CDH18: variants seen among roughly 807,000 people sequenced by gnomAD.
CDH18 encodes the protein cadherin 18, also known as cadherin-18.
A neutral mutation model predicts 67.9 loss-of-function variants in CDH18; 31 were observed. That is an observed-to-expected ratio of 0.46 (90% CI 0.34 to 0.62). The LOEUF (loss-of-function observed/expected upper bound fraction) is 0.62, where lower values mean the gene tolerates loss of function less well. Among genes scored for constraint, CDH18 ranks in the 20% least tolerant of loss-of-function variants. The pLI is 0.01. For synonymous variants in CDH18, 362 were observed against 347.2 expected, an observed-to-expected ratio of 1.04 and a Z score of -0.48; for missense variants, 890 against 975.5, an observed-to-expected ratio of 0.91 and a Z score of 1.17.
At chr5:19,702,047 A>G (rs1763317897) in intron 5 of CDH18, among the ~76,000 whole-genome samples, 1 of 151,970 alleles carries the variant, frequency 6.6e-6, no homozygotes, top group Non-Finnish European at 1.5e-5. Flanking sequence ...TTTAAGGATT[A>G]CAAATACCCC....
At chr5:20,050,870 CT>C (rs1174958257) in intron 2 of CDH18, among the ~76,000 whole-genome samples, 1 of 151,706 alleles carries the variant, frequency 6.6e-6, no homozygotes, top group African/African-American at 2.4e-5. Flanking sequence ...TCAAGTCTTT[CT>C]TTTTCTTTTT....
chr5:19,565,092 A>T (rs114214446), intron 8 of CDH18, among the ~76,000 whole-genome samples: 2,283 of 152,096 alleles, frequency 0.015, 47 homozygotes, highest in African/African-American at 0.051. Flanking sequence ...GCATTTCTAG[A>T]CCTGCCCTGG....
chr5:19,808,326 A>G lies in CDH18; in HGVS notation c.228+30433T>C, dbSNP rs111244596. On this transcript the variant is annotated intron_variant, in intron 3 of 12. Transcript: ENST00000382275. ...AAACAAAACAACAACAACAAAAAAA[A>G]AACAAAAATAAAACTGAATGTATTT... 8.5e-4 allele frequency among the ~76,000 whole-genome samples: 128 copies of G among 149,782 alleles called. 1 individual carries two copies. The highest frequency in any genetic ancestry group is 3.0e-3 in the African/African-American group (124 of 41,264).
intron 2 of CDH18, among the ~76,000 whole-genome samples, chr5:20,029,135 C>A (rs1447131432): frequency 6.6e-6 from 1 of 152,146 alleles, no homozygotes; most frequent in African/African-American, 2.4e-5. Context: ...AAATCCCAAA[C>A]TTCTTATCCA....
At chr5:19,945,184 G>C (rs1423331382) in intron 2 of CDH18, among the ~76,000 whole-genome samples, 2 of 152,078 alleles carry the variant, frequency 1.3e-5, no homozygotes, top group African/African-American at 2.4e-5. Flanking sequence ...GAATTAGCAA[G>C]CCCAGCAGCT....
At chr5:20,339,644 T>A (rs1393901276) in intron 1 of CDH18, among the ~76,000 whole-genome samples, 1 of 152,138 alleles carries the variant, frequency 6.6e-6, no homozygotes, top group Non-Finnish European at 1.5e-5. Context: ...ACCCTCTTTT[T>A]AGGTGGCCCC....
chr5:19,883,319 T>C (rs1446937587), intron 2 of CDH18, among the ~76,000 whole-genome samples: 4 of 152,196 alleles, frequency 2.6e-5, no homozygotes. Flanking sequence ...TGTTACACTC[T>C]GTGATACCGT....
intron 1 of CDH18, among the ~76,000 whole-genome samples, chr5:20,498,392 C>T (rs1561065736): frequency 6.6e-6 from 1 of 151,648 alleles, no homozygotes; most frequent in Non-Finnish European, 1.5e-5. Context: ...ACATCCATTG[C>T]TATTCATCTC....
Position 19,842,735 on chromosome 5 carries a change from T to C in CDH18, c.-256-3493A>G, listed in dbSNP as rs565701904. On this transcript the variant is annotated intron_variant, in intron 2 of 12. Transcript: ENST00000382275. The stretch of plus-strand genomic sequence containing the variant: ...ACAGTTTGGAGGGCTCAGAAGAAAA[T>C]AGGAAGATGTGGGAAAATTTGGAAC... Among the ~76,000 whole-genome samples the C allele has an allele frequency of 9.2e-5, 14 of 152,146 alleles. 1 individual carries two copies. The South Asian group carries it at 2.7e-3, about 29-fold the overall frequency.
intron 1 of CDH18, among the ~76,000 whole-genome samples, chr5:20,353,253 C>T (rs2150060501): frequency 6.6e-6 from 1 of 152,220 alleles, no homozygotes; most frequent in Middle Eastern, 3.4e-3. Flanking sequence ...CCTGTAAGTG[C>T]CCAAGTGTGT....
intron 5 of CDH18, among the ~76,000 whole-genome samples, chr5:19,664,784 G>A (rs1209200977): frequency 3.3e-5 from 5 of 151,836 alleles, no homozygotes; most frequent in African/African-American, 7.3e-5. Context: ...ATACACTTAC[G>A]GGGTTGGTAT....
At chr5:20,486,171 C>T (rs1466153814) in intron 1 of CDH18, among the ~76,000 whole-genome samples, 1 of 152,016 alleles carries the variant, frequency 6.6e-6, no homozygotes, top group African/African-American at 2.4e-5. Flanking sequence ...CTAGATAAGC[C>T]CTAAGTATAT....
intron 3 of CDH18, among the ~76,000 whole-genome samples, chr5:19,812,572 G>T (rs1672755289): frequency 6.6e-6 from 1 of 152,080 alleles, no homozygotes; most frequent in Admixed American, 6.6e-5. Flanking sequence ...AACTCCAGTA[G>T]ACGTCATTAC....
At chr5:20,356,032 A>G (rs1741577162) in intron 1 of CDH18, among the ~76,000 whole-genome samples, 2 of 152,242 alleles carry the variant, frequency 1.3e-5, no homozygotes, top group Admixed American at 1.3e-4. Flanking sequence ...TAGGAATATC[A>G]GTACATTTAT....
intron 2 of CDH18, among the ~76,000 whole-genome samples, chr5:20,241,892 G>A (rs57159425): frequency 0.17 from 4,848 of 28,724 alleles, 236 homozygotes; most frequent in African/African-American, 0.32. Context: ...ATATATATAT[G>A]TATATATATA....
chr5:20,361,331 A>C (rs1742072635), intron 1 of CDH18, among the ~76,000 whole-genome samples: 1 of 152,064 alleles, frequency 6.6e-6, no homozygotes, highest in Non-Finnish European at 1.5e-5. Flanking sequence ...GCTATTAAAC[A>C]GTGATTTAAG....
In CDH18 at chr5:19,741,439, A is replaced by ATTT. The variant is rs1230807193; in HGVS notation, c.523+5500_523+5502dup. 2.7e-5 allele frequency among the ~76,000 whole-genome samples: 4 copies of ATTT among 147,750 alleles called. No individual in the cohort carries two copies. In the South Asian group the frequency reaches 8.6e-4, roughly 32 times the overall value. On this transcript the variant is annotated intron_variant, in intron 4 of 12. Transcript: ENST00000382275. Reference sequence around the variant, plus strand: ...CTAAATGCAGGCTATACAATACACAATTTTTTTTTTAATGAGAGCCATCAT... The same window carrying ATTT: ...CTAAATGCAGGCTATACAATACACAATTTTTTTTTTTTTAATGAGAGCCATCAT...
At chr5:19,533,195 T>C (rs1485866538) in intron 9 of CDH18, among the ~76,000 whole-genome samples, 2 of 152,122 alleles carry the variant, frequency 1.3e-5, no homozygotes, top group African/African-American at 4.8e-5. Flanking sequence ...GAAGAGCCAA[T>C]GAAGGATGGA....
chr5:19,967,425 T>G (rs1051338435), intron 2 of CDH18, among the ~76,000 whole-genome samples: 1 of 152,122 alleles, frequency 6.6e-6, no homozygotes, highest in Non-Finnish European at 1.5e-5. Flanking sequence ...TGCTTGACAC[T>G]GTGTTCTGTT....
Sources: gnomAD v4.1 joint callset for allele counts (sites outside exome capture counted in the v4.1 genomes callset) on GRCh38, gnomAD v4.1.1 for gene constraint, MANE v1.5 for transcripts, NCBI Gene and HGNC (gene_info 2026-07-23, HGNC 2026-07-21) for gene names.